Variants in GCC2 observed in about 807,000 individuals in gnomAD.
GCC2 encodes GRIP and coiled-coil domain containing 2, also known as GRIP and coiled-coil domain-containing protein 2.
A neutral mutation model predicts 210.6 loss-of-function variants in GCC2; 120 were observed. The observed-to-expected ratio is 0.57, with a 90% CI of 0.49 to 0.66. The LOEUF (loss-of-function observed/expected upper bound fraction) is 0.66. Ranked by LOEUF, GCC2 falls within the 30% of genes least tolerant of loss-of-function variation. The pLI is 0.00. For missense variants in GCC2, 1,868 were observed against 1,871.9 expected (o/e 1.00, Z 0.04); for synonymous variants, 703 against 652.7 (o/e 1.08, Z -1.17).
chr2:108,466,456 G>A (rs926195002), intron 4 of GCC2, among the ~76,000 whole-genome samples: 1 of 149,646 alleles, frequency 6.7e-6, no homozygotes, highest in Non-Finnish European at 1.5e-5. Context: ...CCCAGCTTAT[G>A]GTTTCTTTTT....
chr2:108,484,119 G>A (rs1178802729), intron 12 of GCC2, 30 bp from the exon 13 acceptor site: 3 of 1,483,850 alleles, frequency 2.0e-6, no homozygotes, highest in African/African-American at 2.9e-5. Flanking sequence ...ATCTACTATT[G>A]TGTAAATCTT....
At chr2:108,456,648 C>T (rs1680294027) in intron 4 of GCC2, among the ~76,000 whole-genome samples, 1 of 152,096 alleles carries the variant, frequency 6.6e-6, no homozygotes. Context: ...TTGTCTTCTT[C>T]ATGCTGTTGA....
rs753133550 is a variant in GCC2, at chr2:108,470,400, T to C, written c.1071T>C (p.Tyr357=). ...GTATCTTAAAAGATGAGGTAACTTA[T>C]ATGAATAATCTTAAGTTAAAACTTG... ...QHSILKDEVT[Y]MNNLKLKLEM... is the part of the protein sequence containing the mutation. Residue 357 remains tyrosine (Y), a synonymous_variant, in exon 6 of 23, where the codon TAT becomes TAC. Coordinates refer to ENST00000309863, the MANE Select transcript of GCC2 (RefSeq NM_181453.4). The C allele has an allele frequency of 1.2e-5, 19 of 1,606,332 alleles. No individual in the cohort carries two copies. Among genetic ancestry groups the C allele is most frequent in the South Asian group, 3.3e-5 (3 of 90,346 alleles).
In GCC2 at chr2:108,470,936, CTG is replaced by C; in HGVS notation, c.1610_1611del (p.Val537GlufsTer8). On this transcript the variant is annotated frameshift_variant, in exon 6 of 23. Transcript: ENST00000309863. LOFTEE classifies it high-confidence loss of function. ...ACTGAAAAAGATGCCCTTCTCGAAACTGTGAATCGCCTCCAGGGAGAAAATGA... is the reference window on the plus strand; with the variant it reads ...ACTGAAAAAGATGCCCTTCTCGAAACTGAATCGCCTCCAGGGAGAAAATGA... The C allele has an allele frequency of 3.1e-6, 5 of 1,613,260 alleles. No homozygotes were observed. Among genetic ancestry groups the C allele is most frequent in the Admixed American group, 1.7e-5 (1 of 60,002 alleles).
chr2:108,456,846 T>A (rs1680302541), intron 4 of GCC2, among the ~76,000 whole-genome samples: 1 of 151,476 alleles, frequency 6.6e-6, no homozygotes, highest in Non-Finnish European at 1.5e-5. Context: ...CTTCTTGGGA[T>A]GCTGAGATAG....
intron 4 of GCC2, among the ~76,000 whole-genome samples, chr2:108,464,125 A>G (rs1300124410): frequency 2.6e-5 from 4 of 152,032 alleles, no homozygotes; most frequent in Admixed American, 6.5e-5. Flanking sequence ...CCACCAGCAG[A>G]ATGTTCAGGT....
intron 9 of GCC2, among the ~76,000 whole-genome samples, chr2:108,477,193 AAG>A (rs1270357507): frequency 6.6e-6 from 1 of 152,210 alleles, no homozygotes; most frequent in Non-Finnish European, 1.5e-5. Context: ...ATCCTACTCA[AAG>A]AGACACTGAA....
chr2:108,464,282 G>A (rs538726871), intron 4 of GCC2, among the ~76,000 whole-genome samples: 1 of 152,180 alleles, frequency 6.6e-6, no homozygotes, highest in Non-Finnish European at 1.5e-5. Flanking sequence ...TTGTCCTCAG[G>A]GTTCATGAGA....
At chr2:108,474,506 A>G (rs780461865) in intron 7 of GCC2, among the ~76,000 whole-genome samples, 19 of 152,220 alleles carry the variant, frequency 1.2e-4, no homozygotes, top group Non-Finnish European at 2.1e-4. Flanking sequence ...AGTTGGTTCT[A>G]GAAAAAAATG....
At position 108,471,202 on chromosome 2, in the gene GCC2, C is replaced by T. The variant is rs781756304; in HGVS notation, c.1873C>T (p.Leu625Phe). Residue 625 changes from leucine (L) to phenylalanine (F), a missense_variant, in exon 6 of 23, where the codon CTT becomes TTT. Physicochemically the swap from Leu to Phe is conservative, Grantham distance 22 (BLOSUM62 0). This residue lies in a region of GCC2 where 1,847 missense variants were observed against 1,765.2 expected (regional missense o/e 1.05). Transcript: ENST00000309863. Reference protein sequence around the residue: ...KKCEREERLILELGKKVEQTI... With the variant: ...KKCEREERLIFELGKKVEQTI... ...ATGTGAAAGGGAAGAAAGATTGATTCTTGAACTTGGGAAGAAAGTAGAGCA... is the reference window on the plus strand; with the variant it reads ...ATGTGAAAGGGAAGAAAGATTGATTTTTGAACTTGGGAAGAAAGTAGAGCA... 5 of 1,604,770 alleles carry T rather than the reference C, an allele frequency of 3.1e-6. No homozygotes were observed. Among genetic ancestry groups the T allele is most frequent in the Non-Finnish European group, 4.2e-6 (5 of 1,176,962 alleles).
intron 21 of GCC2, among the ~76,000 whole-genome samples, 176 bp from the exon 22 acceptor site, chr2:108,499,377 A>G (rs1682803000): frequency 6.7e-6 from 1 of 150,070 alleles, no homozygotes. Flanking sequence ...GATGTCATAA[A>G]CTCCTTTGAA....
In GCC2 at chr2:108,475,779, T is replaced by G. The variant is rs773117197; in HGVS notation, c.2989T>G (p.Ser997Ala). Residue 997 changes from serine to alanine, a missense_variant, in exon 9 of 23, where the codon TCT becomes GCT. Ser to Ala is a moderately conservative substitution (Grantham distance 99). Coordinates refer to ENST00000309863, the MANE Select transcript of GCC2 (RefSeq NM_181453.4). ...CCAGACTGTGAAGGAAGAACTTGAA[T>G]CTCTTCGATCAGAAAAGGACCAGTT... ...ETQTVKEELE[S>A]LRSEKDQLSA... is the part of the protein sequence containing the mutation. 10 of 1,605,862 alleles carry G rather than the reference T, an allele frequency of 6.2e-6. No individual in the cohort carries two copies. The Middle Eastern group carries it at 1.3e-3, about 213-fold the overall frequency.
Position 108,479,585 on chromosome 2 carries a change from G to A in GCC2, c.3061-2112G>A, listed in dbSNP as rs564727642. On this transcript the variant is annotated intron_variant, in intron 9 of 22. Transcript: ENST00000309863. ...GAACCCAGGAGACAGAGGTTACAGT[G>A]AGCTGAGGTTGCGCCACTGCACTCC... 7.6e-4 allele frequency among the ~76,000 whole-genome samples: 115 copies of A among 152,204 alleles called. 1 individual carries two copies. Among genetic ancestry groups the A allele is most frequent in the African/African-American group, 2.6e-3 (108 of 41,520 alleles).
At position 108,497,002 on chromosome 2, in the gene GCC2, G is replaced by C; in HGVS notation, c.4675G>C (p.Glu1559Gln). 1 of 1,612,012 alleles carries C rather than the reference G, an allele frequency of 6.2e-7. No individual in the cohort carries two copies. Among genetic ancestry groups the C allele is most frequent in the South Asian group, 1.1e-5 (1 of 90,988 alleles). ...PPLWHAEFTK[E>Q]ELVQKLSSTT... is the part of the protein sequence containing the mutation. ...ATTATGGCATGCTGAATTTACCAAA[G>C]AAGAATTGGTTCAGAAGCTCAGTTC... Residue 1559 changes from glutamate to glutamine, a missense_variant, in exon 21 of 23, where the codon GAA becomes CAA. Physicochemically the swap from Glu to Gln is conservative, Grantham distance 29 (BLOSUM62 2). This residue lies in a region of GCC2 where 1,847 missense variants were observed against 1,765.2 expected (regional missense o/e 1.05). Coordinates refer to ENST00000309863, the MANE Select transcript of GCC2 (RefSeq NM_181453.4).
intron 9 of GCC2, among the ~76,000 whole-genome samples, chr2:108,477,877 CT>C (rs1426987933): frequency 1.3e-5 from 2 of 152,128 alleles, no homozygotes; most frequent in African/African-American, 4.8e-5. Flanking sequence ...GAAACCCTGT[CT>C]CTACAAAATA....
intron 5 of GCC2, chr2:108,469,317 C>A: frequency 2.4e-6 from 1 of 419,836 alleles, no homozygotes; most frequent in Non-Finnish European, 4.2e-6. Context: ...GCCATCTTTA[C>A]TAAAAGCGAA....
intron 22 of GCC2, among the ~76,000 whole-genome samples, chr2:108,505,914 C>T (rs1683159725): frequency 6.6e-6 from 1 of 152,106 alleles, no homozygotes; most frequent in Admixed American, 6.6e-5. Flanking sequence ...GAAAATTTCC[C>T]CATGTAAAAT....
intron 9 of GCC2, among the ~76,000 whole-genome samples, chr2:108,477,150 A>G (rs948339272): frequency 6.6e-6 from 1 of 152,154 alleles, no homozygotes; most frequent in Non-Finnish European, 1.5e-5. Context: ...AAGAGTAGCT[A>G]AATTTTTTTT....
chr2:108,473,967 C>CTAAAAATTACTAAAAATAGAG (rs1681372704), intron 7 of GCC2, among the ~76,000 whole-genome samples: 1 of 151,232 alleles, frequency 6.6e-6, no homozygotes, highest in African/African-American at 2.4e-5. Flanking sequence ...TCCTGGCTAA[C>CTAAAAATTACTAAAAATAGAG]ACGGTGAAAC....
Sources: allele counts gnomAD v4.1 joint callset (sites outside exome capture counted in the v4.1 genomes callset), GRCh38; gene constraint gnomAD v4.1.1; regional missense constraint gnomAD v4.1.1; transcripts MANE v1.5; gene names NCBI Gene and HGNC (gene_info 2026-07-23, HGNC 2026-07-21).